Variants in RGS7 observed in about 807,000 individuals in gnomAD.
The protein encoded by RGS7 is regulator of G protein signaling 7, also known as regulator of G-protein signaling 7.
Under a neutral mutation model 81.1 loss-of-function variants are expected in RGS7, and 27 were observed. That is an observed-to-expected ratio of 0.33 (90% CI 0.25 to 0.46). The LOEUF (loss-of-function observed/expected upper bound fraction) is 0.46. Among genes scored for constraint, RGS7 ranks in the 20% least tolerant of loss-of-function variants. RGS7 has a pLI of 1.00. For synonymous variants in RGS7, 208 were observed against 207.7 expected (o/e 1.00, Z -0.01); for missense variants, 396 against 607.4 (o/e 0.65, Z 3.66).
intron 3 of RGS7, among the ~76,000 whole-genome samples, chr1:241,027,093 C>A (rs1376162006): frequency 6.6e-6 from 1 of 150,960 alleles, no homozygotes; most frequent in Non-Finnish European, 1.5e-5. Context: ...GTTCCAGATG[C>A]TCAGGAGGCT....
intron 2 of RGS7, among the ~76,000 whole-genome samples, chr1:241,269,365 T>C (rs1184479402): frequency 6.6e-6 from 1 of 152,180 alleles, no homozygotes; most frequent in African/African-American, 2.4e-5. Flanking sequence ...CAAGTAAAAA[T>C]AAACCTGGAA....
intron 4 of RGS7, among the ~76,000 whole-genome samples, chr1:240,974,584 C>T (rs1352149343): frequency 1.3e-5 from 2 of 151,926 alleles, no homozygotes; most frequent in Non-Finnish European, 2.9e-5. Context: ...GACCAACATA[C>T]ATAAAATAAA....
At chr1:241,240,861 T>C (rs1485585403) in intron 2 of RGS7, among the ~76,000 whole-genome samples, 3 of 152,150 alleles carry the variant, frequency 2.0e-5, no homozygotes, top group Non-Finnish European at 4.4e-5. Context: ...CCCTGAGCCC[T>C]TTCTGCTCAT....
intron 3 of RGS7, among the ~76,000 whole-genome samples, chr1:241,031,353 A>G (rs2060077138): frequency 6.6e-6 from 1 of 152,188 alleles, no homozygotes; most frequent in South Asian, 2.1e-4. Context: ...ATAGTATACC[A>G]TATTTTCTTT....
At chr1:240,867,900 G>A (rs771826488) in intron 9 of RGS7, among the ~76,000 whole-genome samples, 6 of 151,924 alleles carry the variant, frequency 3.9e-5, no homozygotes, top group Non-Finnish European at 8.8e-5. Context: ...TACTTGGGAG[G>A]CTGAGGTGGG....
chr1:241,174,951 G>A (rs2071014520), intron 2 of RGS7, among the ~76,000 whole-genome samples: 2 of 139,986 alleles, frequency 1.4e-5, no homozygotes, highest in South Asian at 2.2e-4. Context: ...CACCTGAGCT[G>A]GAGTGCAGTG....
At chr1:241,266,100 C>T (rs1236241968) in intron 2 of RGS7, among the ~76,000 whole-genome samples, 1 of 152,040 alleles carries the variant, frequency 6.6e-6, no homozygotes, top group Non-Finnish European at 1.5e-5. Context: ...GGCCTCCCTG[C>T]TTTTTAGCAT....
intron 12 of RGS7, 137 bp from the exon 13 acceptor site, chr1:240,813,865 T>G: frequency 1.5e-6 from 1 of 678,548 alleles, no homozygotes; most frequent in South Asian, 1.6e-5. Flanking sequence ...ATGGCAATCT[T>G]CACGCTTCAG....
chr1:241,092,693 T>G (rs1373412674), intron 3 of RGS7, among the ~76,000 whole-genome samples: 2 of 152,302 alleles, frequency 1.3e-5, no homozygotes, highest in African/African-American at 2.4e-5. Flanking sequence ...CCAAGATGTA[T>G]ATCCCCACTT....
intron 3 of RGS7, among the ~76,000 whole-genome samples, chr1:241,036,054 A>C (rs973215655): frequency 5.9e-5 from 9 of 152,180 alleles, no homozygotes; most frequent in Non-Finnish European, 1.2e-4. Flanking sequence ...CCCACTCCTT[A>C]CTACTAATTG....
intron 2 of RGS7, among the ~76,000 whole-genome samples, chr1:241,210,526 G>C (rs1375171554): frequency 6.6e-6 from 1 of 152,176 alleles, no homozygotes; most frequent in African/African-American, 2.4e-5. Flanking sequence ...CAGAAAGAAG[G>C]GTAGAACATG....
intron 2 of RGS7, among the ~76,000 whole-genome samples, chr1:241,248,400 GTA>G (rs962918136): frequency 7.2e-4 from 105 of 145,848 alleles, no homozygotes; most frequent in South Asian, 5.5e-3. Context: ...ACATACATAT[GTA>G]TATATATATA....
Position 241,107,689 on chromosome 1 carries a change from G to T in RGS7, c.79-8927C>A, listed in dbSNP as rs150677542. On this transcript the variant is annotated intron_variant, in intron 2 of 18. Transcript: ENST00000440928. ...TACCCAGGTGGTGACAGCCTCAAAC[G>T]TTGTGCTCAAATAAATTCTACACTT... Among the ~76,000 whole-genome samples, 832 of 152,174 alleles carry T rather than the reference G, an allele frequency of 5.5e-3. 10 individuals are homozygous for T. Among genetic ancestry groups the T allele is most frequent in the African/African-American group, 0.019 (807 of 41,508 alleles).
At chr1:240,876,069 G>C (rs1665360776) in intron 6 of RGS7, among the ~76,000 whole-genome samples, 1 of 152,156 alleles carries the variant, frequency 6.6e-6, no homozygotes, top group South Asian at 2.1e-4. Flanking sequence ...ATGCCTAAGA[G>C]AAACATTCAC....
chr1:240,926,653 T>C (rs261864), intron 6 of RGS7, among the ~76,000 whole-genome samples: 150,119 of 152,278 alleles, frequency 0.99, 74,024 homozygotes, highest in Middle Eastern at 1. Context: ...CTCTCTTGAG[T>C]TTTCCTGTGC....
intron 2 of RGS7, among the ~76,000 whole-genome samples, chr1:241,099,759 C>G (rs2064578748): frequency 6.6e-6 from 1 of 152,166 alleles, no homozygotes; most frequent in Admixed American, 6.5e-5. Flanking sequence ...CCACTTATCA[C>G]TAACTCTACA....
chr1:241,180,507 A>T (rs1014083562), intron 2 of RGS7, among the ~76,000 whole-genome samples: 2 of 152,240 alleles, frequency 1.3e-5, no homozygotes, highest in African/African-American at 2.4e-5. Flanking sequence ...AGACTATTTT[A>T]TGTGAGAAAC....
At position 241,091,138 on chromosome 1, in the gene RGS7, T is replaced by C. The variant is rs114555191; in HGVS notation, c.175+7528A>G. Among the ~76,000 whole-genome samples the C allele has an allele frequency of 8.0e-3, 1,212 of 152,256 alleles. 11 individuals carry two copies. Among genetic ancestry groups the C allele is most frequent in the African/African-American group, 0.027 (1,135 of 41,560 alleles). On this transcript the variant is annotated intron_variant, in intron 3 of 18. Transcript: ENST00000440928. ...GAAATGGAGAAAAGCAATCATTACCTTGAAGTGTTGAAAGGAATAAAACGA... is the reference window on the plus strand; with the variant it reads ...GAAATGGAGAAAAGCAATCATTACCCTGAAGTGTTGAAAGGAATAAAACGA...
chr1:240,819,031 C>T (rs139367567), intron 10 of RGS7, among the ~76,000 whole-genome samples: 174 of 152,104 alleles, frequency 1.1e-3, no homozygotes, highest in African/African-American at 3.9e-3. Context: ...GAATATTACC[C>T]GATAAATATG....
Sources: gnomAD v4.1 joint callset for allele counts (sites outside exome capture counted in the v4.1 genomes callset) on GRCh38, gnomAD v4.1.1 for gene constraint, MANE v1.5 for transcripts, NCBI Gene and HGNC (gene_info 2026-07-23, HGNC 2026-07-21) for gene names.